GNAO1: variants seen among roughly 807,000 people sequenced by gnomAD.
GNAO1 encodes the protein G protein subunit alpha o1, also known as guanine nucleotide-binding protein G(o) subunit alpha.
For missense variants in GNAO1, 166 were observed against 478.7 expected (o/e 0.35, Z 6.10); for synonymous variants, 164 against 180.7 (o/e 0.91, Z 0.74).
At chr16:56,207,172 A>C (rs1229947072) in intron 2 of GNAO1, among the ~76,000 whole-genome samples, 2 of 152,278 alleles carry the variant, frequency 1.3e-5, no homozygotes, top group Non-Finnish European at 2.9e-5. Context: ...AAAATAATTC[A>C]GTATAGCAGT....
At chr16:56,224,877 C>T (rs1214740057) in intron 2 of GNAO1, among the ~76,000 whole-genome samples, 8 of 152,240 alleles carry the variant, frequency 5.3e-5, no homozygotes, top group African/African-American at 1.7e-4. Flanking sequence ...CTTATAAGGT[C>T]TCAAACAATC....
Position 56,351,141 on chromosome 16 carries a change from G to A in GNAO1, c.724-243G>A, listed in dbSNP as rs2037917519. On this transcript the variant is annotated intron_variant, in intron 6 of 8. Coordinates refer to ENST00000262493, the MANE Select transcript of GNAO1 (RefSeq NM_020988.3). The surrounding 1 kb of genome is among the most constrained non-coding windows in gnomAD (Gnocchi z 6.1). ...GGTCACCCTGTCCTCAGCCTCCCCA[G>A]AGAGCCATGGCTGGTGTCCAGTCCA... Among the ~76,000 whole-genome samples the A allele has an allele frequency of 6.6e-6, 1 of 152,206 alleles. No individual in the cohort carries two copies. The highest frequency in any genetic ancestry group is 1.5e-5 in the Non-Finnish European group (1 of 68,032).
chr16:56,221,805 A>G (rs558414649), intron 2 of GNAO1, among the ~76,000 whole-genome samples: 63 of 152,246 alleles, frequency 4.1e-4, no homozygotes, highest in Non-Finnish European at 7.5e-4. Flanking sequence ...GGTCATCGTC[A>G]TCATTGTTTC....
intron 2 of GNAO1, among the ~76,000 whole-genome samples, chr16:56,264,334 TGCC>T (rs1378904414): frequency 1.3e-5 from 2 of 152,246 alleles, no homozygotes; most frequent in African/African-American, 4.8e-5. Context: ...AGCATTACGC[TGCC>T]GCTGCCGTGG....
At chr16:56,270,777 A>G (rs1238040517) in intron 2 of GNAO1, 7 of 151,200 alleles carry the variant, frequency 4.6e-5, no homozygotes, top group Admixed American at 4.6e-4. Flanking sequence ...AGCTTATTCA[A>G]AATTGAGAGG....
intron 2 of GNAO1, chr16:56,194,621 G>A (rs1009727577): frequency 4.2e-5 from 8 of 190,336 alleles, no homozygotes; most frequent in Non-Finnish European, 8.9e-5. Context: ...CCGGCGGAGA[G>A]AGCCGAGCCG....
intron 2 of GNAO1, among the ~76,000 whole-genome samples, chr16:56,231,234 C>T (rs907491307): frequency 2.0e-5 from 3 of 152,194 alleles, no homozygotes; most frequent in Non-Finnish European, 2.9e-5. Context: ...AACTCACCTC[C>T]CAGCCCTCTG....
chr16:56,279,492 C>T (rs936967490), intron 3 of GNAO1, among the ~76,000 whole-genome samples: 8 of 152,196 alleles, frequency 5.3e-5, no homozygotes, highest in Non-Finnish European at 8.8e-5. Flanking sequence ...TCTGGGCCTT[C>T]GCTGGGGTGT....
At chr16:56,219,961 G>C (rs2036469022) in intron 2 of GNAO1, among the ~76,000 whole-genome samples, 1 of 152,212 alleles carries the variant, frequency 6.6e-6, no homozygotes, top group Non-Finnish European at 1.5e-5. Flanking sequence ...AGTCAGAGCA[G>C]AGGAAAATTA....
chr16:56,234,460 C>T (rs145675898), intron 2 of GNAO1, among the ~76,000 whole-genome samples: 135 of 152,340 alleles, frequency 8.9e-4, no homozygotes, highest in African/African-American at 2.6e-3. Flanking sequence ...GGAAGTGCAG[C>T]TGGAAAGAGG....
intron 3 of GNAO1, among the ~76,000 whole-genome samples, chr16:56,279,425 C>G (rs974206440): frequency 1.3e-5 from 2 of 152,178 alleles, no homozygotes; most frequent in Non-Finnish European, 2.9e-5. Context: ...TTTCCACACC[C>G]CAGGCCCCAG....
intron 3 of GNAO1, among the ~76,000 whole-genome samples, chr16:56,277,848 G>A (rs1370078375): frequency 2.7e-5 from 4 of 146,818 alleles, no homozygotes; most frequent in Non-Finnish European, 6.0e-5. Flanking sequence ...CACACGGTGT[G>A]TGAGATCTTC....
chr16:56,211,886 T>A (rs559667458), intron 2 of GNAO1, among the ~76,000 whole-genome samples: 91 of 152,350 alleles, frequency 6.0e-4, no homozygotes, highest in African/African-American at 2.0e-3. Context: ...CAGTGCTCTA[T>A]TCAGCGTGAC....
intron 3 of GNAO1, among the ~76,000 whole-genome samples, chr16:56,305,309 C>T (rs1389354910): frequency 6.6e-6 from 1 of 152,160 alleles, no homozygotes; most frequent in Non-Finnish European, 1.5e-5. Flanking sequence ...GAGAAACAGT[C>T]ATCAAGGAAA....
At chr16:56,249,206 G>A (rs1295685546) in intron 2 of GNAO1, among the ~76,000 whole-genome samples, 1 of 152,194 alleles carries the variant, frequency 6.6e-6, no homozygotes, top group Non-Finnish European at 1.5e-5. Context: ...CTGAGTAACT[G>A]ATAAAATGGA....
At chr16:56,196,110 T>G (rs148707149) in intron 2 of GNAO1, among the ~76,000 whole-genome samples, 3 of 152,260 alleles carry the variant, frequency 2.0e-5, no homozygotes, top group Non-Finnish European at 4.4e-5. Flanking sequence ...ATATTAAAAT[T>G]TTTATTTGAA....
At chr16:56,245,889 A>T (rs1166609428) in intron 2 of GNAO1, among the ~76,000 whole-genome samples, 2 of 152,222 alleles carry the variant, frequency 1.3e-5, no homozygotes, top group African/African-American at 4.8e-5. Flanking sequence ...CAGGCCTTTT[A>T]GGAGAGACTA....
intron 6 of GNAO1, chr16:56,345,833 A>G: frequency 1.0e-6 from 1 of 985,540 alleles, no homozygotes; most frequent in Non-Finnish European, 1.2e-6. Context: ...TCCGAACTGT[A>G]ACCCCAGGCT....
chr16:56,229,974 G>C lies in GNAO1; in HGVS notation c.161+37358G>C, dbSNP rs370482105. ...GCCTGTAGCAGTCCACCTCAAGCCAGAGTTGTGTTTTTTTAACATCTGGCT... is the reference window on the plus strand; with the variant it reads ...GCCTGTAGCAGTCCACCTCAAGCCACAGTTGTGTTTTTTTAACATCTGGCT... On this transcript the variant is annotated intron_variant, in intron 2 of 8. Coordinates refer to ENST00000262493, the MANE Select transcript of GNAO1 (RefSeq NM_020988.3). 3.2e-4 allele frequency among the ~76,000 whole-genome samples: 48 copies of C among 152,260 alleles called. 1 individual carries two copies. In the East Asian group the frequency reaches 8.7e-3, roughly 28 times the overall value.
Sources: allele counts gnomAD v4.1 joint callset (sites outside exome capture counted in the v4.1 genomes callset), GRCh38; gene constraint gnomAD v4.1.1; non-coding constraint Gnocchi (gnomAD v3.1); transcripts MANE v1.5; gene names NCBI Gene and HGNC (gene_info 2026-07-23, HGNC 2026-07-21).